The following IRAK2 variants were observed in gnomAD, a reference collection of about 807,000 sequenced individuals.
IRAK2 encodes the protein interleukin-1 receptor-associated kinase-like 2.
Under a neutral mutation model 72.0 loss-of-function variants are expected in IRAK2, and 57 were observed. The ratio of observed to expected loss-of-function variants is 0.79; its 90% confidence interval spans 0.64 to 0.99. The LOEUF (loss-of-function observed/expected upper bound fraction) is 0.99. IRAK2 is among the 50% of genes least tolerant of loss of function. The probability of loss-of-function intolerance (pLI) is 0.00; values close to 1 mark genes in which losing one functional copy is unlikely to be tolerated. For missense variants in IRAK2, 790 were observed against 794.4 expected, an observed-to-expected ratio of 0.99 and a Z score of 0.07; for synonymous variants, 293 against 312.7, an observed-to-expected ratio of 0.94 and a Z score of 0.67.
intron 10 of IRAK2, among the ~76,000 whole-genome samples, chr3:10,229,334 C>T (rs538479395): frequency 1.3e-5 from 2 of 152,292 alleles, no homozygotes; most frequent in Admixed American, 6.5e-5. Flanking sequence ...ACTGCAGCCT[C>T]GAATGCCTGG....
chr3:10,228,747 G>T (rs190293432), intron 10 of IRAK2, among the ~76,000 whole-genome samples: 1 of 152,130 alleles, frequency 6.6e-6, no homozygotes, highest in African/African-American at 2.4e-5. Context: ...CTGTGGCCCA[G>T]GGTAGGAGGA....
At chr3:10,197,026 A>C (rs1018733035) in intron 2 of IRAK2, among the ~76,000 whole-genome samples, 1 of 152,158 alleles carries the variant, frequency 6.6e-6, no homozygotes, top group Non-Finnish European at 1.5e-5. Flanking sequence ...TAAATAATGC[A>C]TAATGATTTT....
chr3:10,236,083 A>T (rs1190616467), intron 11 of IRAK2, among the ~76,000 whole-genome samples: 2 of 152,258 alleles, frequency 1.3e-5, no homozygotes, highest in East Asian at 3.9e-4. Flanking sequence ...AGGACAGTGT[A>T]TGATGAGGAC....
rs1702681631 is a variant in IRAK2 at position 10,217,694 on chromosome 3, T to C, written c.903+646T>C. On this transcript the variant is annotated intron_variant, in intron 7 of 12. Coordinates refer to ENST00000256458, the MANE Select transcript of IRAK2 (RefSeq NM_001570.4). The stretch of plus-strand genomic sequence containing the variant: ...GTATTATATCATGTGAAGGTAATCC[T>C]TAATAAAAATTACAGTGTTTTAAAA... Among the ~76,000 whole-genome samples the C allele has an allele frequency of 3.3e-5, 5 of 152,198 alleles. No individual in the cohort carries two copies. In the South Asian group the frequency reaches 8.3e-4, roughly 25 times the overall value.
chr3:10,200,963 A>G lies in IRAK2; in HGVS notation c.424+448A>G, dbSNP rs1037186633. On this transcript the variant is annotated intron_variant, in intron 3 of 12. Transcript: ENST00000256458. ...ATAAAATTAATGTCAGACAGTCACA[A>G]CAAAGTACTATCAACAGTGATGTAG... is the stretch of plus-strand genomic sequence containing the variant. Among the ~76,000 whole-genome samples the G allele has an allele frequency of 2.6e-5, 4 of 152,258 alleles. No individual in the cohort carries two copies. The East Asian group carries it at 7.7e-4, about 29-fold the overall frequency.
intron 3 of IRAK2, among the ~76,000 whole-genome samples, chr3:10,205,429 G>A (rs956550535): frequency 6.6e-6 from 1 of 152,154 alleles, no homozygotes; most frequent in African/African-American, 2.4e-5. Context: ...CTCATGTGTC[G>A]CAGGAGCAGG....
chr3:10,176,074 T>G (rs1222127920), intron 1 of IRAK2, among the ~76,000 whole-genome samples: 7 of 148,534 alleles, frequency 4.7e-5, no homozygotes, highest in Admixed American at 2.7e-4. Flanking sequence ...TGTTTTTTTT[T>G]TTTTTTTTTT....
chr3:10,228,748 G>T (rs1211544052), intron 10 of IRAK2, among the ~76,000 whole-genome samples: 2 of 152,064 alleles, frequency 1.3e-5, no homozygotes, highest in Non-Finnish European at 2.9e-5. Context: ...TGTGGCCCAG[G>T]GTAGGAGGAA....
intron 2 of IRAK2, 136 bp from the exon 3 acceptor site, chr3:10,200,233 C>T: frequency 1.4e-6 from 1 of 731,750 alleles, no homozygotes. Flanking sequence ...AAGGGAAAGA[C>T]CCTCCCGCCC....
At chr3:10,231,739 C>T (rs1438711836) in intron 10 of IRAK2, among the ~76,000 whole-genome samples, 2 of 152,126 alleles carry the variant, frequency 1.3e-5, no homozygotes, top group African/African-American at 4.8e-5. Flanking sequence ...GAGTTTCGAG[C>T]TCCTGGGCTT....
intron 10 of IRAK2, among the ~76,000 whole-genome samples, chr3:10,230,288 C>T (rs542356065): frequency 1.3e-5 from 2 of 151,754 alleles, no homozygotes; most frequent in Admixed American, 6.6e-5. Context: ...AGTACCCCCC[C>T]CCACCGACAA....
At position 10,229,553 on chromosome 3, in the gene IRAK2, A is replaced by G. The variant is rs147459432; in HGVS notation, c.1272+3120A>G. Among the ~76,000 whole-genome samples the G allele has an allele frequency of 6.2e-3, 939 of 152,228 alleles. 9 individuals carry two copies. The highest frequency in any genetic ancestry group is 0.022 in the African/African-American group (907 of 41,536). ...ATCTAATTTCTGTCCACATAGCTCT[A>G]TCTTCTTTAGAGGGTCATATCAATG... On this transcript the variant is annotated intron_variant, in intron 10 of 12. Coordinates refer to ENST00000256458, the MANE Select transcript of IRAK2 (RefSeq NM_001570.4).
At chr3:10,200,254 T>G in intron 2 of IRAK2, 115 bp from the exon 3 acceptor site, 1 of 888,906 alleles carries the variant, frequency 1.1e-6, no homozygotes, top group Non-Finnish European at 1.7e-6. Flanking sequence ...TGCAACACCA[T>G]GCATTTGTGG....
intron 1 of IRAK2, among the ~76,000 whole-genome samples, chr3:10,166,408 G>A (rs755401291): frequency 2.0e-5 from 3 of 152,160 alleles, no homozygotes; most frequent in Admixed American, 6.6e-5. Context: ...TGGACTCTGC[G>A]GGGAGGCCGC....
chr3:10,214,089 C>T (rs566134641), intron 6 of IRAK2, among the ~76,000 whole-genome samples: 19 of 151,778 alleles, frequency 1.3e-4, no homozygotes, highest in East Asian at 7.8e-4. Context: ...CCACCAGGCC[C>T]GGCTAATTTT....
At chr3:10,225,011 C>T (rs1178655713) in intron 9 of IRAK2, among the ~76,000 whole-genome samples, 2 of 151,786 alleles carry the variant, frequency 1.3e-5, no homozygotes, top group African/African-American at 2.4e-5. Context: ...TTCATTTCCC[C>T]TTGTTCTGTC....
chr3:10,234,603 G>C lies in IRAK2; in HGVS notation c.1417G>C (p.Ala473Pro). 1 of 1,613,444 alleles carries C rather than the reference G, an allele frequency of 6.2e-7. No individual in the cohort carries two copies. ...GAGGCTTCCGGAGGACTGCGCCGAGGCCCTGGCCACGGCTGCCTGCCTGTG... is the reference window on the plus strand; with the variant it reads ...GAGGCTTCCGGAGGACTGCGCCGAGCCCCTGGCCACGGCTGCCTGCCTGTG... ...AGRLPEDCAE[A>P]LATAACLCLR... Residue 473 changes from alanine (A) to proline (P), a missense_variant, in exon 11 of 13, where the codon GCC (alanine) becomes CCC (proline). By Grantham distance (27) the Ala-to-Pro change is conservative. Coordinates refer to ENST00000256458, the MANE Select transcript of IRAK2 (RefSeq NM_001570.4).
intron 8 of IRAK2, among the ~76,000 whole-genome samples, chr3:10,221,475 G>A (rs752565786): frequency 7.3e-5 from 11 of 151,046 alleles, no homozygotes; most frequent in Non-Finnish European, 1.6e-4. Context: ...TGATGGTCTC[G>A]ATCTCCTGAC....
intron 11 of IRAK2, among the ~76,000 whole-genome samples, chr3:10,235,562 T>A (rs1397158624): frequency 6.6e-6 from 1 of 152,122 alleles, no homozygotes; most frequent in African/African-American, 2.4e-5. Context: ...ACAGAGGGGC[T>A]CCTTGAGAAT....
Sources: allele counts gnomAD v4.1 joint callset (sites outside exome capture counted in the v4.1 genomes callset), GRCh38; gene constraint gnomAD v4.1.1; transcripts MANE v1.5; gene names NCBI Gene and HGNC (gene_info 2026-07-23, HGNC 2026-07-21).